TENM3: variants seen among roughly 807,000 people sequenced by gnomAD.
TENM3 encodes teneurin-3.
A neutral mutation model predicts 255.1 loss-of-function variants in TENM3; 63 were observed. The ratio of observed to expected loss-of-function variants is 0.25; its 90% CI spans 0.20 to 0.30. The LOEUF is 0.30. Ranked by LOEUF, TENM3 falls within the 10% of genes least tolerant of loss-of-function variation. TENM3 has a pLI of 1.00. For missense variants in TENM3, 2,929 were observed against 3,461.1 expected, an observed-to-expected ratio of 0.85 and a Z score of 3.86; for synonymous variants, 1,306 against 1,322.3, an observed-to-expected ratio of 0.99 and a Z score of 0.27.
chr4:181,534,096 G>T, the TENM3 span, among the ~76,000 whole-genome samples: 7 of 151,940 alleles, frequency 4.6e-5, no homozygotes, highest in African/African-American at 1.2e-4. Flanking sequence ...ACTTATAAAA[G>T]AACTGCATTC....
chr4:181,525,813 A>G, the TENM3 span, among the ~76,000 whole-genome samples: 2 of 152,190 alleles, frequency 1.3e-5, no homozygotes, highest in African/African-American at 2.4e-5. Flanking sequence ...CAGCTGGGTG[A>G]GTGCCCTCAG....
Position 182,743,255 on chromosome 4 carries a change from G to A in TENM3, c.3465G>A (p.Arg1155=), listed in dbSNP as rs771254903. Residue 1155 remains arginine (R), a synonymous_variant, in exon 19 of 28, where the codon AGG becomes AGA. Transcript: ENST00000511685. The part of the protein sequence containing the change: ...VVSSIMGNGR[R]RSISCPSCNG... ...GTAGCATCATGGGCAATGGGCGAAG[G>A]CGCAGCATTTCCTGCCCCAGTTGCA... 1 of 1,614,038 alleles carries A rather than the reference G, an allele frequency of 6.2e-7. No individual in the cohort carries two copies. Among genetic ancestry groups the A allele is most frequent in the South Asian group, 1.1e-5 (1 of 91,090 alleles).
At chr4:181,827,759 A>G in the TENM3 span, among the ~76,000 whole-genome samples, 80 of 152,312 alleles carry the variant, frequency 5.3e-4, no homozygotes, top group Non-Finnish European at 1.0e-3. Context: ...GAACCAGGTA[A>G]GGAGAGCAGG....
the TENM3 span, among the ~76,000 whole-genome samples, chr4:181,509,950 C>T: frequency 6.6e-6 from 1 of 152,126 alleles, no homozygotes; most frequent in Non-Finnish European, 1.5e-5. Flanking sequence ...AAACTGAATG[C>T]CACAGAACAA....
At chr4:181,692,753 C>T in the TENM3 span, among the ~76,000 whole-genome samples, 1 of 152,148 alleles carries the variant, frequency 6.6e-6, no homozygotes, top group Non-Finnish European at 1.5e-5. Context: ...GTATGCGGGG[C>T]ATCAGAGGGT....
chr4:182,736,576 A>C (rs1258531644), intron 16 of TENM3, among the ~76,000 whole-genome samples: 2 of 152,158 alleles, frequency 1.3e-5, no homozygotes, highest in African/African-American at 4.8e-5. Context: ...AGTTATTTTT[A>C]ATTATTGAAT....
the TENM3 span, among the ~76,000 whole-genome samples, chr4:182,137,102 G>C: frequency 6.6e-6 from 1 of 152,134 alleles, no homozygotes; most frequent in Non-Finnish European, 1.5e-5. Context: ...AATGACATCA[G>C]CAAGCTTTGT....
intron 3 of TENM3, among the ~76,000 whole-genome samples, chr4:182,440,578 C>T (rs1242072882): frequency 6.6e-6 from 1 of 152,140 alleles, no homozygotes; most frequent in Non-Finnish European, 1.5e-5. Flanking sequence ...TACCTCCACC[C>T]CCAGTCCTAC....
the TENM3 span, among the ~76,000 whole-genome samples, chr4:181,925,991 T>C: frequency 1.3e-5 from 2 of 152,344 alleles, no homozygotes; most frequent in Non-Finnish European, 2.9e-5. Context: ...AGCCTTGTTT[T>C]GGCATGATGT....
chr4:181,707,584 A>G, the TENM3 span, among the ~76,000 whole-genome samples: 1 of 152,356 alleles, frequency 6.6e-6, no homozygotes, highest in Non-Finnish European at 1.5e-5. Context: ...GTCAGTGGCC[A>G]TACTTGTATG....
chr4:181,852,070 C>T, the TENM3 span, among the ~76,000 whole-genome samples: 1 of 152,172 alleles, frequency 6.6e-6, no homozygotes, highest in Non-Finnish European at 1.5e-5. Flanking sequence ...GCACGTCTTT[C>T]CAGCCAAACC....
At chr4:182,452,499 T>C (rs930391745) in intron 3 of TENM3, among the ~76,000 whole-genome samples, 2 of 152,062 alleles carry the variant, frequency 1.3e-5, no homozygotes, top group African/African-American at 4.8e-5. Context: ...GAGAAAGGAA[T>C]GAAAGGATAA....
intron 3 of TENM3, among the ~76,000 whole-genome samples, chr4:182,390,550 C>T (rs1326385473): frequency 2.0e-5 from 3 of 152,104 alleles, no homozygotes; most frequent in Admixed American, 6.5e-5. Flanking sequence ...TCTACAAGAT[C>T]GTTAGCCATG....
the TENM3 span, among the ~76,000 whole-genome samples, chr4:182,001,866 A>G: frequency 6.6e-6 from 1 of 152,122 alleles, no homozygotes; most frequent in Non-Finnish European, 1.5e-5. Flanking sequence ...TTCTAAAATG[A>G]AGAAAGGAAA....
the TENM3 span, among the ~76,000 whole-genome samples, chr4:181,520,301 A>C: frequency 6.6e-6 from 1 of 152,142 alleles, no homozygotes; most frequent in African/African-American, 2.4e-5. Flanking sequence ...AAGGGAGAAA[A>C]TGCTGATGTG....
the TENM3 span, among the ~76,000 whole-genome samples, chr4:181,776,106 A>G: frequency 1.3e-5 from 2 of 152,070 alleles, no homozygotes; most frequent in South Asian, 2.1e-4. Flanking sequence ...TCTGATATCT[A>G]TCATTCAACT....
rs146306879 is a variant in TENM3, at chr4:182,756,240, C to T, written c.4892+981C>T. On this transcript the variant is annotated intron_variant, in intron 22 of 27. Coordinates refer to ENST00000511685, the MANE Select transcript of TENM3 (RefSeq NM_001080477.4). ...CACTGTGCCTCAAAGAACCTTACAA[C>T]TAAATGCAAGTCAGGAATTGCAGTT... Among the ~76,000 whole-genome samples the T allele has an allele frequency of 5.0e-3, 766 of 152,344 alleles. 4 individuals are homozygous for T. The highest frequency in any genetic ancestry group is 0.02 in the Middle Eastern group (6 of 294).
At chr4:181,767,014 A>T in the TENM3 span, among the ~76,000 whole-genome samples, 3 of 150,260 alleles carry the variant, frequency 2.0e-5, no homozygotes, top group Non-Finnish European at 3.0e-5. Flanking sequence ...GCACTTTGGG[A>T]GGCCGAGGCG....
At chr4:181,626,047 G>T in the TENM3 span, among the ~76,000 whole-genome samples, 5 of 152,288 alleles carry the variant, frequency 3.3e-5, no homozygotes, top group East Asian at 9.7e-4. Context: ...ATGATGTCAT[G>T]TGATAGAGAA....
Sources: allele counts gnomAD v4.1 joint callset (sites outside exome capture counted in the v4.1 genomes callset), GRCh38; gene constraint gnomAD v4.1.1; transcripts MANE v1.5; gene names NCBI Gene and HGNC (gene_info 2026-07-23, HGNC 2026-07-21).